Variants in MFSD1 observed in about 807,000 individuals in gnomAD.
MFSD1 encodes the protein major facilitator superfamily domain containing 1.
Under a neutral mutation model 67.1 loss-of-function variants are expected in MFSD1, and 59 were observed. The ratio of observed to expected loss-of-function variants is 0.88; its 90% CI spans 0.71 to 1.09. MFSD1 has a LOEUF of 1.09. Among genes scored for constraint, MFSD1 ranks in the 50% least tolerant of loss-of-function variants. MFSD1 has a pLI of 0.00. For missense variants in MFSD1, 552 were observed against 566.1 expected (o/e 0.97, Z 0.25); for synonymous variants, 213 against 200.3 (o/e 1.06, Z -0.54).
At chr3:158,821,758 T>A in intron 10 of MFSD1, 105 bp downstream of exon 10, 1 of 1,101,302 alleles carries the variant, frequency 9.1e-7, no homozygotes, top group Non-Finnish European at 1.3e-6. Flanking sequence ...TAATATTTTT[T>A]AAGTGCGAAA....
In MFSD1 at chr3:158,818,764, C is replaced by T. The variant is rs114662809; in HGVS notation, c.653-885C>T. Reference sequence around the variant, plus strand: ...AATCCTTTGCCTTACTTAAAACCTCCTTTTTACTCTTAAAAGCTTCTTAGT... The same window carrying T: ...AATCCTTTGCCTTACTTAAAACCTCTTTTTTACTCTTAAAAGCTTCTTAGT... On this transcript the variant is annotated intron_variant, in intron 7 of 15. Coordinates refer to ENST00000415822, the MANE Select transcript of MFSD1 (RefSeq NM_022736.4). 5.1e-3 allele frequency among the ~76,000 whole-genome samples: 774 copies of T among 152,266 alleles called. 9 individuals are homozygous for T. Among genetic ancestry groups the T allele is most frequent in the African/African-American group, 0.018 (750 of 41,562 alleles).
At chr3:158,817,253 A>G (rs1730414610) in intron 7 of MFSD1, among the ~76,000 whole-genome samples, 2 of 152,158 alleles carry the variant, frequency 1.3e-5, no homozygotes, top group Non-Finnish European at 1.5e-5. Context: ...GGCCAGGGCA[A>G]TTAGGCAGGA....
chr3:158,819,641 T>G lies in MFSD1; in HGVS notation c.653-8T>G, dbSNP rs1559921719. 4.3e-6 allele frequency: 6 copies of G among 1,398,716 alleles called. No homozygotes were observed. In the East Asian group the frequency reaches 1.4e-4, roughly 33 times the overall value. 86.6% of individuals were successfully genotyped at this position (1,398,716 alleles called of 1,614,324 possible). ...GTCTGTTTTTCTTTTTTTTTTTTTT[T>G]TATTTAGGGGGTATAACGTGTATTC... On this transcript the variant is annotated splice_region_variant and splice_polypyrimidine_tract_variant and intron_variant, in intron 7 of 15. Transcript: ENST00000415822.
chr3:158,804,433 C>A, intron 2 of MFSD1, 62 bp downstream of exon 2: 3 of 1,355,246 alleles, frequency 2.2e-6, no homozygotes, highest in South Asian at 1.2e-5. Flanking sequence ...GCGGTGGAGG[C>A]ATTATCAACC....
At chr3:158,802,409 C>T in intron 1 of MFSD1, 94 bp downstream of exon 1, 5 of 1,402,840 alleles carry the variant, frequency 3.6e-6, no homozygotes, top group South Asian at 1.2e-5. Flanking sequence ...TGCCACGGGG[C>T]CTCAGCGCAG....
At chr3:158,816,050 T>G (rs1389298810) in intron 7 of MFSD1, among the ~76,000 whole-genome samples, 40 of 152,092 alleles carry the variant, frequency 2.6e-4, no homozygotes, top group African/African-American at 9.7e-4. Context: ...ATCCAGTCTA[T>G]CATTGTTGGA....
intron 15 of MFSD1, among the ~76,000 whole-genome samples, chr3:158,828,108 T>A (rs1017020631): frequency 3.3e-5 from 5 of 152,254 alleles, no homozygotes; most frequent in African/African-American, 1.2e-4. Context: ...TTTTTCATCT[T>A]CTTCTGGTAC....
At chr3:158,805,924 C>T (rs1378977773) in intron 3 of MFSD1, among the ~76,000 whole-genome samples, 4 of 152,186 alleles carry the variant, frequency 2.6e-5, no homozygotes, top group Admixed American at 1.3e-4. Context: ...TATGTGCTTC[C>T]TCCAGCCCCG....
At chr3:158,811,464 G>A (rs1559917553) in intron 6 of MFSD1, among the ~76,000 whole-genome samples, 1 of 152,158 alleles carries the variant, frequency 6.6e-6, no homozygotes, top group African/African-American at 2.4e-5. Flanking sequence ...TACTTAAAAT[G>A]GCAAAACTTG....
chr3:158,816,302 C>G (rs2108221011), intron 7 of MFSD1, among the ~76,000 whole-genome samples: 1 of 152,298 alleles, frequency 6.6e-6, no homozygotes, highest in East Asian at 1.9e-4. Flanking sequence ...TCTCCACATC[C>G]TCTCCAGCAT....
At chr3:158,809,687 T>G (rs1169220139) in intron 6 of MFSD1, among the ~76,000 whole-genome samples, 1 of 152,214 alleles carries the variant, frequency 6.6e-6, no homozygotes, top group Admixed American at 6.5e-5. Flanking sequence ...ATGAACTTTA[T>G]GAAGCGTAAC....
intron 7 of MFSD1, among the ~76,000 whole-genome samples, chr3:158,818,609 A>C (rs906425612): frequency 1.3e-5 from 2 of 152,028 alleles, no homozygotes; most frequent in Non-Finnish European, 2.9e-5. Flanking sequence ...CCACATATGC[A>C]TAGTATTTGT....
chr3:158,802,216 G>A lies in MFSD1; in HGVS notation c.64G>A (p.Gly22Ser), dbSNP rs1729485115. 2 of 1,610,886 alleles carry A rather than the reference G, an allele frequency of 1.2e-6. No homozygotes were observed. The highest frequency in any genetic ancestry group is 1.7e-6 in the Non-Finnish European group (2 of 1,179,034). Residue 22 changes from glycine to serine, a missense_variant, in exon 1 of 16, where the codon GGT becomes AGT. Coordinates refer to ENST00000415822, the MANE Select transcript of MFSD1 (RefSeq NM_022736.4). ...AGGCGGCCCTGACGAGGCCGACAGA[G>A]GTGCCCCGGCCGCCCCTGGAGCCCT... ...LAGGPDEADR[G>S]APAAPGALPA...
At chr3:158,813,577 C>T (rs1351963896) in intron 6 of MFSD1, among the ~76,000 whole-genome samples, 1 of 152,184 alleles carries the variant, frequency 6.6e-6, no homozygotes, top group African/African-American at 2.4e-5. Flanking sequence ...TCTTTATGGA[C>T]ATTCAGAGGA....
At position 158,814,021 on chromosome 3, in the gene MFSD1, G is replaced by C; in HGVS notation, c.606G>C (p.Leu202Phe). 2 of 1,613,010 alleles carry C rather than the reference G, an allele frequency of 1.2e-6. No individual in the cohort carries two copies. The highest frequency in any genetic ancestry group is 1.7e-5 in the Admixed American group (1 of 59,936). Residue 202 changes from leucine to phenylalanine, a missense_variant, in exon 7 of 16, where the codon TTG (leucine) becomes TTC (phenylalanine). Coordinates refer to ENST00000415822, the MANE Select transcript of MFSD1 (RefSeq NM_022736.4). ...GGCTGTATTCTAAGATTGAAGCTTT[G>C]TTAGGTTCTGCTGGTCACACAACCC... is the stretch of plus-strand genomic sequence containing the variant. ...MGWLYSKIEA[L>F]LGSAGHTTLG...
At chr3:158,813,858 G>T in intron 6 of MFSD1, 107 bp from the exon 7 acceptor site, 4 of 558,858 alleles carry the variant, frequency 7.2e-6, no homozygotes, top group Middle Eastern at 5.1e-4. Context: ...ATTACCTCCT[G>T]TTCAATTTGG....
At chr3:158,814,244 T>C (rs1004487079) in intron 7 of MFSD1, among the ~76,000 whole-genome samples, 177 bp downstream of exon 7, 3 of 152,252 alleles carry the variant, frequency 2.0e-5, no homozygotes, top group African/African-American at 7.2e-5. Flanking sequence ...GCTGTTTGTA[T>C]ATTAATTTCC....
Position 158,807,057 on chromosome 3 carries a change from T to C in MFSD1, c.347T>C (p.Phe116Ser), listed in dbSNP as rs1187223953. The C allele has an allele frequency of 6.2e-7, 1 of 1,612,290 alleles. No individual in the cohort carries two copies. The highest frequency in any genetic ancestry group is 2.2e-5 in the East Asian group (1 of 44,754). ...CCAAACAGATGGGGCACAATCATTT[T>C]TAGCTGCTTTGTTTGCATTGGACAG... ...VFGIRWGTII[F>S]SCFVCIGQVV... The change falls in exon 4 of 16, where the codon TTT (phenylalanine) becomes TCT (serine). Residue 116 changes from phenylalanine (F) to serine (S), a missense_variant. By Grantham distance (155) the Phe-to-Ser change is radical (BLOSUM62 -2). Coordinates refer to ENST00000415822, the MANE Select transcript of MFSD1 (RefSeq NM_022736.4).
chr3:158,818,581 A>G (rs1245298481), intron 7 of MFSD1, among the ~76,000 whole-genome samples: 1 of 146,640 alleles, frequency 6.8e-6, no homozygotes, highest in Non-Finnish European at 1.5e-5. Context: ...TTTTTAAAAT[A>G]TATATATATA....
Sources: allele counts gnomAD v4.1 joint callset (sites outside exome capture counted in the v4.1 genomes callset), GRCh38; gene constraint gnomAD v4.1.1; transcripts MANE v1.5; gene names NCBI Gene and HGNC (gene_info 2026-07-23, HGNC 2026-07-21).